Variants in GFRAL observed in about 807,000 individuals in gnomAD.
GFRAL encodes GDNF family receptor alpha like.
GFRAL carries 36 observed loss-of-function variants against 45.4 expected under a neutral mutation model. The observed-to-expected ratio is 0.79, with a 90% confidence interval of 0.61 to 1.05. The LOEUF is 1.05. Ranked by LOEUF, GFRAL falls within the 50% of genes least tolerant of loss-of-function variation. The pLI, the probability that GFRAL is intolerant of heterozygous loss-of-function variation, is 0.00. For missense variants in GFRAL, 507 were observed against 467.5 expected (o/e 1.08, Z -0.78); for synonymous variants, 166 against 154.1 (o/e 1.08, Z -0.57).
Position 55,363,683 on chromosome 6 carries a change from C to T in GFRAL, c.952+4545C>T, listed in dbSNP as rs371134671. On this transcript the variant is annotated intron_variant, in intron 6 of 8. Transcript: ENST00000340465. Reference sequence around the variant, plus strand: ...ATTCCCACCTATGAGTGAGAATATGCGGTGTTTGGTTTTTTGTTCTTGCGA... The same window carrying T: ...ATTCCCACCTATGAGTGAGAATATGTGGTGTTTGGTTTTTTGTTCTTGCGA... 9.5e-5 allele frequency among the ~76,000 whole-genome samples: 14 copies of T among 147,950 alleles called. No individual in the cohort carries two copies. The East Asian group carries it at 1.0e-3, about 11-fold the overall frequency.
chr6:55,394,068 C>A (rs182580254), intron 6 of GFRAL, among the ~76,000 whole-genome samples: 1 of 151,726 alleles, frequency 6.6e-6, no homozygotes, highest in Non-Finnish European at 1.5e-5. Flanking sequence ...ATGGGATATA[C>A]GATTGAAAGA....
At chr6:55,390,513 C>T (rs547715924) in intron 6 of GFRAL, among the ~76,000 whole-genome samples, 1 of 152,266 alleles carries the variant, frequency 6.6e-6, no homozygotes, top group Admixed American at 6.5e-5. Flanking sequence ...TAATATATGT[C>T]CTTTCTTTCT....
intron 4 of GFRAL, among the ~76,000 whole-genome samples, chr6:55,350,447 G>A (rs1175613824): frequency 6.6e-6 from 1 of 152,086 alleles, no homozygotes; most frequent in Admixed American, 6.6e-5. Context: ...GGCTGAGGTA[G>A]GTGGATCATT....
chr6:55,400,081 C>A (rs1768876508), intron 8 of GFRAL, among the ~76,000 whole-genome samples: 1 of 151,992 alleles, frequency 6.6e-6, no homozygotes, highest in Non-Finnish European at 1.5e-5. Context: ...TTCTAAACGT[C>A]TAGTGTTTAA....
At chr6:55,341,728 C>T (rs1264364256) in intron 3 of GFRAL, among the ~76,000 whole-genome samples, 7 of 152,022 alleles carry the variant, frequency 4.6e-5, no homozygotes, top group South Asian at 2.1e-4. Context: ...CTTCTCTGAG[C>T]TAAAGGAGGA....
chr6:55,388,653 G>C (rs1194361629), intron 6 of GFRAL, among the ~76,000 whole-genome samples: 1 of 152,060 alleles, frequency 6.6e-6, no homozygotes, highest in Non-Finnish European at 1.5e-5. Flanking sequence ...CTGTTCTTTG[G>C]CCCAAACTGC....
At position 55,359,167 on chromosome 6, in the gene GFRAL, T is replaced by TATCTATCTATCTATCTATCTATC. The variant is rs1220741046; in HGVS notation, c.952+48_952+49insTATCATCTATCTATCTATCTATC. On this transcript the variant is annotated intron_variant, in intron 6 of 8. Transcript: ENST00000340465. ...AGTTCCCCAAATAAAATTATCTGTC[T>TATCTATCTATCTATCTATCTATC]ATCTATCTATCTATCTATCATCTAT... is the stretch of plus-strand genomic sequence containing the variant. 20 of 1,520,056 alleles carry TATCTATCTATCTATCTATCTATC rather than the reference T, an allele frequency of 1.3e-5. No individual in the cohort carries two copies. In the Middle Eastern group the frequency reaches 6.7e-4, roughly 51 times the overall value. 94.2% of individuals were successfully genotyped at this position (1,520,056 alleles called of 1,614,324 possible). A position where few individuals can be genotyped will look rare whatever the true frequency, so the allele number is the denominator to read the frequency against.
intron 6 of GFRAL, among the ~76,000 whole-genome samples, chr6:55,386,428 C>A (rs897142856): frequency 1.3e-5 from 2 of 152,058 alleles, no homozygotes; most frequent in African/African-American, 4.8e-5. Flanking sequence ...TTTGACCAGG[C>A]ACTATTGTAA....
At chr6:55,349,037 C>T (rs1334599106) in intron 3 of GFRAL, among the ~76,000 whole-genome samples, 1 of 151,998 alleles carries the variant, frequency 6.6e-6, no homozygotes, top group African/African-American at 2.4e-5. Flanking sequence ...AAGTTGGAAC[C>T]TCCAGATCTT....
At chr6:55,348,207 AC>A (rs1768068528) in intron 3 of GFRAL, among the ~76,000 whole-genome samples, 1 of 149,458 alleles carries the variant, frequency 6.7e-6, no homozygotes, top group Non-Finnish European at 1.5e-5. Flanking sequence ...AGTAAAAGCC[AC>A]TGTTTAAAAT....
At chr6:55,356,676 AT>A (rs1226673787) in intron 5 of GFRAL, among the ~76,000 whole-genome samples, 2 of 151,324 alleles carry the variant, frequency 1.3e-5, no homozygotes, top group East Asian at 1.9e-4. Flanking sequence ...AATCTTTTGA[AT>A]TTTTTTTGTT....
chr6:55,380,595 A>G (rs2127363073), intron 6 of GFRAL, among the ~76,000 whole-genome samples: 1 of 152,086 alleles, frequency 6.6e-6, no homozygotes, highest in African/African-American at 2.4e-5. Context: ...CCCAGTCACC[A>G]GCCATAGGTC....
intron 6 of GFRAL, among the ~76,000 whole-genome samples, chr6:55,395,792 A>G (rs994279764): frequency 7.1e-5 from 10 of 140,176 alleles, no homozygotes; most frequent in Non-Finnish European, 1.4e-4. Context: ...AAAAAAAAAA[A>G]AAAGAAAAAA....
At chr6:55,338,998 G>A (rs1476444568) in intron 3 of GFRAL, among the ~76,000 whole-genome samples, 1 of 152,092 alleles carries the variant, frequency 6.6e-6, no homozygotes, top group Non-Finnish European at 1.5e-5. Context: ...AAAGATGCAG[G>A]TCAAGAATAT....
chr6:55,330,486 A>G (rs1357969528), intron 1 of GFRAL, among the ~76,000 whole-genome samples: 1 of 152,136 alleles, frequency 6.6e-6, no homozygotes, highest in Non-Finnish European at 1.5e-5. Context: ...GTGTGGAAAA[A>G]GGGGAGTATA....
intron 6 of GFRAL, among the ~76,000 whole-genome samples, chr6:55,368,235 A>G (rs1312941943): frequency 1.3e-5 from 2 of 152,072 alleles, no homozygotes; most frequent in Non-Finnish European, 2.9e-5. Flanking sequence ...TGATCGCATC[A>G]GCTCCTGAGG....
At chr6:55,364,965 A>G (rs1273406114) in intron 6 of GFRAL, among the ~76,000 whole-genome samples, 2 of 151,054 alleles carry the variant, frequency 1.3e-5, no homozygotes, top group Admixed American at 1.3e-4. Flanking sequence ...GTTTTTTCCA[A>G]TTCTGTGAAG....
intron 3 of GFRAL, among the ~76,000 whole-genome samples, chr6:55,344,576 T>C (rs1768013411): frequency 6.6e-6 from 1 of 152,034 alleles, no homozygotes; most frequent in Non-Finnish European, 1.5e-5. Flanking sequence ...AAACCCACAG[T>C]CAATATCATA....
intron 6 of GFRAL, among the ~76,000 whole-genome samples, chr6:55,389,358 T>C (rs1488978266): frequency 6.6e-6 from 1 of 152,106 alleles, no homozygotes; most frequent in South Asian, 2.1e-4. Flanking sequence ...CTAGTACTTA[T>C]CTCTACTTTT....
Sources: gnomAD v4.1 joint callset for allele counts (sites outside exome capture counted in the v4.1 genomes callset) on GRCh38, gnomAD v4.1.1 for gene constraint, MANE v1.5 for transcripts, NCBI Gene and HGNC (gene_info 2026-07-23, HGNC 2026-07-21) for gene names.